Variants in SEMA3D observed in about 807,000 individuals in gnomAD.
The protein encoded by SEMA3D is semaphorin-3D.
SEMA3D carries 84 observed loss-of-function variants against 100.1 expected under a neutral mutation model. That is an observed-to-expected ratio of 0.84 (90% CI 0.70 to 1.01). The LOEUF is 1.01. Ranked by LOEUF, SEMA3D falls within the 50% of genes least tolerant of loss-of-function variation. SEMA3D has a pLI of 0.00. For missense variants in SEMA3D, 875 were observed against 934.1 expected (o/e 0.94, Z 0.82); for synonymous variants, 312 against 320.7 (o/e 0.97, Z 0.29).
rs750910257 is a variant in SEMA3D, at chr7:85,006,832, G to C, written c.1878C>G (p.Ile626Met). The C allele has an allele frequency of 6.2e-7, 1 of 1,609,796 alleles. No individual in the cohort carries two copies. ...KSQQATIKWY[I>M]QRSGDEHREE... ...CTCGATGCTCATCCCCTGACCTCTG[G>C]ATATACCATTTAATAGTTGCTTGTT... is the stretch of plus-strand genomic sequence containing the variant. The change falls in exon 18 of 19, where the codon ATC becomes ATG. Residue 626 changes from isoleucine (I) to methionine (M), a missense_variant. Transcript: ENST00000284136.
intron 8 of SEMA3D, among the ~76,000 whole-genome samples, chr7:85,059,911 A>G (rs1791426720): frequency 6.6e-6 from 1 of 152,238 alleles, no homozygotes; most frequent in South Asian, 2.1e-4. Context: ...TATGAAAAAC[A>G]TCATCCAAGT....
intron 11 of SEMA3D, among the ~76,000 whole-genome samples, chr7:85,039,247 T>A (rs992205414): frequency 1.3e-5 from 2 of 152,126 alleles, no homozygotes; most frequent in Non-Finnish European, 2.9e-5. Context: ...TTTGAGAAAG[T>A]TTCACAGATG....
chr7:85,129,855 C>A (rs1464680823), intron 2 of SEMA3D, among the ~76,000 whole-genome samples: 1 of 152,028 alleles, frequency 6.6e-6, no homozygotes, highest in Non-Finnish European at 1.5e-5. Flanking sequence ...TCTAAAAAAA[C>A]TGCACGTAGC....
At chr7:85,002,695 C>G (rs564748718) in intron 18 of SEMA3D, among the ~76,000 whole-genome samples, 1 of 152,162 alleles carries the variant, frequency 6.6e-6, no homozygotes, top group Non-Finnish European at 1.5e-5. Context: ...AACTGCTCAA[C>G]TTTACAAATT....
chr7:85,125,104 A>G (rs185070552), intron 2 of SEMA3D, among the ~76,000 whole-genome samples: 247 of 152,262 alleles, frequency 1.6e-3, no homozygotes, highest in Middle Eastern at 0.01. Context: ...ATGAATGCAG[A>G]GACTGAGTAT....
chr7:85,246,392 C>T, the SEMA3D span, among the ~76,000 whole-genome samples: 1 of 151,964 alleles, frequency 6.6e-6, no homozygotes, highest in East Asian at 1.9e-4. Context: ...TTGTAAGAGG[C>T]CCTCAATAAC....
intron 9 of SEMA3D, among the ~76,000 whole-genome samples, chr7:85,049,343 A>G (rs1160640399): frequency 6.6e-6 from 1 of 151,838 alleles, no homozygotes; most frequent in Non-Finnish European, 1.5e-5. Flanking sequence ...GAAGTGGAGA[A>G]CATGTTTTTC....
At chr7:85,230,122 T>C in the SEMA3D span, among the ~76,000 whole-genome samples, 10 of 152,284 alleles carry the variant, frequency 6.6e-5, no homozygotes, top group African/African-American at 2.4e-4. Flanking sequence ...TACATCTTAA[T>C]CAATACTCTC....
intron 2 of SEMA3D, among the ~76,000 whole-genome samples, chr7:85,149,266 G>A (rs868343069): frequency 7.3e-5 from 11 of 151,602 alleles, no homozygotes; most frequent in Non-Finnish European, 1.2e-4. Flanking sequence ...ACAACATGGC[G>A]AAACCCTGCC....
rs984904883 is a variant in SEMA3D at position 84,997,314 on chromosome 7, T to C, written c.*2126A>G. 1.3e-5 allele frequency: 2 copies of C among 152,092 alleles called. No individual in the cohort carries two copies. The highest frequency in any genetic ancestry group is 2.4e-5 in the African/African-American group (1 of 41,454). The allele number at this position is 152,092 out of a possible 1,614,324, so 9.4% of individuals were successfully genotyped here. A position where few individuals can be genotyped will look rare whatever the true frequency, so the allele number is the denominator to read the frequency against. The stretch of plus-strand genomic sequence containing the variant: ...GACCCACAAATATTTGGAAATTTTT[T>C]TTAAATTAAAAATGTTCCCACTTAA... On this transcript the variant is annotated 3_prime_UTR_variant, in exon 19 of 19. Coordinates refer to ENST00000284136, the MANE Select transcript of SEMA3D (RefSeq NM_001384900.1).
intron 12 of SEMA3D, among the ~76,000 whole-genome samples, chr7:85,026,984 T>C (rs1357037146): frequency 6.6e-6 from 1 of 152,080 alleles, no homozygotes; most frequent in African/African-American, 2.4e-5. Context: ...GAAGAACACA[T>C]TACATACTTC....
At chr7:85,096,476 A>C (rs1285370386) in intron 4 of SEMA3D, among the ~76,000 whole-genome samples, 1 of 151,916 alleles carries the variant, frequency 6.6e-6, no homozygotes, top group Non-Finnish European at 1.5e-5. Context: ...AACAGAAGTC[A>C]AAAACAATTG....
intron 18 of SEMA3D, among the ~76,000 whole-genome samples, chr7:85,004,704 G>C (rs1369352339): frequency 6.6e-6 from 1 of 151,998 alleles, no homozygotes; most frequent in African/African-American, 2.4e-5. Context: ...GACCTTATGG[G>C]TAAGAAGCAG....
At chr7:85,138,659 T>C (rs1329668031) in intron 2 of SEMA3D, among the ~76,000 whole-genome samples, 1 of 146,130 alleles carries the variant, frequency 6.8e-6, no homozygotes, top group East Asian at 2.0e-4. Flanking sequence ...TAATTTAATA[T>C]ATATATTAAA....
intron 1 of SEMA3D, among the ~76,000 whole-genome samples, chr7:85,170,301 G>T (rs1791050470): frequency 6.6e-6 from 1 of 151,830 alleles, no homozygotes; most frequent in Non-Finnish European, 1.5e-5. Flanking sequence ...GTCTGAAACA[G>T]TCATCTTCCT....
At chr7:85,039,796 G>A (rs974805419) in intron 11 of SEMA3D, among the ~76,000 whole-genome samples, 27 of 152,038 alleles carry the variant, frequency 1.8e-4, no homozygotes, top group Non-Finnish European at 2.5e-4. Context: ...TAGGGTAACT[G>A]GGAAATGATA....
chr7:85,248,910 C>T, the SEMA3D span, among the ~76,000 whole-genome samples: 11 of 152,182 alleles, frequency 7.2e-5, no homozygotes, highest in African/African-American at 2.6e-4. Flanking sequence ...GGATATAAGA[C>T]ATTACACATT....
chr7:85,228,509 T>C, the SEMA3D span, among the ~76,000 whole-genome samples: 1 of 152,128 alleles, frequency 6.6e-6, no homozygotes, highest in Non-Finnish European at 1.5e-5. Context: ...TTACTTCCAA[T>C]GTCAGATCTG....
At chr7:85,088,950 A>G (rs973020986) in intron 4 of SEMA3D, among the ~76,000 whole-genome samples, 8 of 152,126 alleles carry the variant, frequency 5.3e-5, no homozygotes, top group Admixed American at 2.6e-4. Flanking sequence ...TCCACGAATC[A>G]TCTCTGTCTT....
Sources: allele counts gnomAD v4.1 joint callset (sites outside exome capture counted in the v4.1 genomes callset), GRCh38; gene constraint gnomAD v4.1.1; transcripts MANE v1.5; gene names NCBI Gene and HGNC (gene_info 2026-07-23, HGNC 2026-07-21).